Variants in WDR45B observed in about 807,000 individuals in gnomAD.
The protein encoded by WDR45B is WD repeat domain phosphoinositide-interacting protein 3.
In WDR45B, 20 loss-of-function variants were observed where a neutral mutation model predicts 44.6. The ratio of observed to expected loss-of-function variants is 0.45; its 90% CI spans 0.32 to 0.65. WDR45B has a LOEUF of 0.65. WDR45B is among the 30% of genes least tolerant of loss of function. WDR45B has a pLI of 0.05. For missense variants in WDR45B, 323 were observed against 430.2 expected, an observed-to-expected ratio of 0.75 and a Z score of 2.20; for synonymous variants, 169 against 164.9, an observed-to-expected ratio of 1.02 and a Z score of -0.19.
chr17:82,617,476 C>A, intron 7 of WDR45B, 79 bp from the exon 8 acceptor site: 1 of 1,347,960 alleles, frequency 7.4e-7, no homozygotes, highest in Non-Finnish European at 1.1e-6. Flanking sequence ...CACTTGTCGA[C>A]ACTGTGGAAC....
chr17:82,638,128 G>T (rs954950893), intron 2 of WDR45B, among the ~76,000 whole-genome samples: 3 of 145,526 alleles, frequency 2.1e-5, no homozygotes, highest in African/African-American at 7.9e-5. Context: ...GGAGGTTGCA[G>T]TGAGCCAAGA....
In WDR45B at chr17:82,615,102, T is replaced by G. The variant is rs1259102359; in HGVS notation, c.*817A>C. 1 of 152,112 alleles carries G rather than the reference T, an allele frequency of 6.6e-6. No individual in the cohort carries two copies. The highest frequency in any genetic ancestry group is 3.2e-3 in the Middle Eastern group (1 of 314). 9.4% of individuals were successfully genotyped at this position (152,112 alleles called of 1,614,324 possible). A position where few individuals can be genotyped will look rare whatever the true frequency, so the allele number is the denominator to read the frequency against. On this transcript the variant is annotated 3_prime_UTR_variant, in exon 10 of 10. Coordinates refer to ENST00000392325, the MANE Select transcript of WDR45B (RefSeq NM_019613.4). ...TTTTCCCCATAACGAATGTTCAAAG[T>G]TCGTGCATCACTCTGCTGTTCCCTA...
chr17:82,637,816 A>G (rs1184838074), intron 2 of WDR45B, among the ~76,000 whole-genome samples: 4 of 151,848 alleles, frequency 2.6e-5, no homozygotes, highest in Non-Finnish European at 5.9e-5. Context: ...AAGCTTCATG[A>G]TATCAGCATT....
At position 82,636,523 on chromosome 17, in the gene WDR45B, G is replaced by A. The variant is rs570266482; in HGVS notation, c.143-5501C>T. 1.2e-3 allele frequency: 180 copies of A among 152,048 alleles called. 1 individual carries two copies. Among genetic ancestry groups the A allele is most frequent in the African/African-American group, 3.8e-3 (159 of 41,366 alleles). 9.4% of individuals were successfully genotyped at this position (152,048 alleles called of 1,614,324 possible). ...TACCTGACCCCCACCTCCTGCAGCT[G>A]AAGAGGGGGAAAGGGTCTCCCCACA... On this transcript the variant is annotated intron_variant, in intron 2 of 9. Transcript: ENST00000392325.
intron 5 of WDR45B, among the ~76,000 whole-genome samples, chr17:82,622,134 T>C (rs1283384591): frequency 6.6e-6 from 1 of 151,356 alleles, no homozygotes; most frequent in Non-Finnish European, 1.5e-5. Flanking sequence ...GAAAATGCAA[T>C]GCAAAATTAT....
intron 6 of WDR45B, among the ~76,000 whole-genome samples, chr17:82,621,066 T>C (rs571814327): frequency 0.034 from 5,158 of 151,230 alleles, 294 homozygotes; most frequent in African/African-American, 0.12. Flanking sequence ...TTTTTTTTTT[T>C]TTTTTGAGAC....
intron 5 of WDR45B, among the ~76,000 whole-genome samples, chr17:82,622,863 G>GA (rs985602255): frequency 6.6e-6 from 1 of 151,278 alleles, no homozygotes; most frequent in Non-Finnish European, 1.5e-5. Flanking sequence ...AAAAAGTCCA[G>GA]AAAAAAAACC....
rs1412398104 is a variant in WDR45B, at chr17:82,648,331, G to A, written c.10C>T (p.Leu4=). 6.2e-7 allele frequency: 1 copy of A among 1,606,564 alleles called. No individual in the cohort carries two copies. The highest frequency in any genetic ancestry group is 1.7e-5 in the Admixed American group (1 of 59,742). ...CCGTTGCCGTGAGGGTTACACGGCA[G>A]GAGGTTCATGGCGCCGCCGTGCTGG... is the stretch of plus-strand genomic sequence containing the variant. MNL[L]PCNPHGNGLL... Residue 4 remains leucine, a synonymous_variant, in exon 1 of 10, where the codon CTG becomes TTG. Transcript: ENST00000392325.
chr17:82,624,906 C>T (rs1301244188), intron 5 of WDR45B, among the ~76,000 whole-genome samples: 6 of 152,190 alleles, frequency 3.9e-5, no homozygotes, highest in Non-Finnish European at 8.8e-5. Flanking sequence ...GAGTGAGCCA[C>T]CGCGCCCGGC....
At position 82,627,031 on chromosome 17, in the gene WDR45B, G is replaced by T; in HGVS notation, c.332+173C>A. On this transcript the variant is annotated intron_variant, in intron 4 of 9. Coordinates refer to ENST00000392325, the MANE Select transcript of WDR45B (RefSeq NM_019613.4). The stretch of plus-strand genomic sequence containing the variant: ...GCCCTGGAAACAAACACAATTCGCT[G>T]CCTTTCTTGCAGCAATATAAATAAT... 3 of 689,680 alleles carry T rather than the reference G, an allele frequency of 4.3e-6. No homozygotes were observed. The East Asian group carries it at 7.9e-5, about 18-fold the overall frequency. 42.7% of individuals were successfully genotyped at this position (689,680 alleles called of 1,614,324 possible).
intron 2 of WDR45B, among the ~76,000 whole-genome samples, chr17:82,641,925 G>A (rs1194057134): frequency 2.0e-5 from 3 of 151,354 alleles, no homozygotes; most frequent in Admixed American, 1.3e-4. Flanking sequence ...TCTCCAAGAG[G>A]TATTTTCTGT....
At chr17:82,636,339 T>A (rs1354240820) in intron 2 of WDR45B, among the ~76,000 whole-genome samples, 1 of 145,576 alleles carries the variant, frequency 6.9e-6, no homozygotes, top group African/African-American at 2.6e-5. Context: ...GTTTTAAAAA[T>A]GGAAAGAAAA....
Position 82,636,938 on chromosome 17 carries a change from G to A in WDR45B, c.143-5916C>T, listed in dbSNP as rs184938487. Among the ~76,000 whole-genome samples the A allele has an allele frequency of 2.0e-5, 3 of 152,056 alleles. No individual in the cohort carries two copies. In the East Asian group the frequency reaches 5.8e-4, roughly 29 times the overall value. On this transcript the variant is annotated intron_variant, in intron 2 of 9. Transcript: ENST00000392325. Reference sequence around the variant, plus strand: ...ACAAGTAGCCTATTGGGTCAGCTCAGATTGTGCAGTCCGACCCCAGCCCAT... The same window carrying A: ...ACAAGTAGCCTATTGGGTCAGCTCAAATTGTGCAGTCCGACCCCAGCCCAT...
At position 82,648,284 on chromosome 17, in the gene WDR45B, G is replaced by A; in HGVS notation, c.57C>T (p.Asn19=). ...HGNGLLYAGF[N]QDHGCFACGM... is the part of the protein sequence containing the mutation. ...GCCGCGCCTCCTCACCGTGGTCCTG[G>A]TTGAAGCCGGCGTAGAGCAGCCCGT... Residue 19 remains asparagine, a synonymous_variant, in exon 1 of 10, where the codon AAC becomes AAT. Coordinates refer to ENST00000392325, the MANE Select transcript of WDR45B (RefSeq NM_019613.4). 6.2e-7 allele frequency: 1 copy of A among 1,606,698 alleles called. No homozygotes were observed. Among genetic ancestry groups the A allele is most frequent in the Non-Finnish European group, 8.5e-7 (1 of 1,177,990 alleles).
At chr17:82,631,818 C>G (rs1279680874) in intron 2 of WDR45B, among the ~76,000 whole-genome samples, 1 of 152,000 alleles carries the variant, frequency 6.6e-6, no homozygotes, top group Non-Finnish European at 1.5e-5. Context: ...AACTCCAAGA[C>G]AGCATACTAA....
At chr17:82,642,812 G>T (rs1004717824) in intron 2 of WDR45B, among the ~76,000 whole-genome samples, 4 of 152,152 alleles carry the variant, frequency 2.6e-5, no homozygotes, top group African/African-American at 7.2e-5. Context: ...TGGCTGGGGG[G>T]TTTTTCCCAC....
At chr17:82,624,653 C>G (rs1419707389) in intron 5 of WDR45B, among the ~76,000 whole-genome samples, 1 of 149,724 alleles carries the variant, frequency 6.7e-6, no homozygotes, top group Non-Finnish European at 1.5e-5. Flanking sequence ...GAGTCTTGCT[C>G]TATCGCCCAG....
rs147454790 is a variant in WDR45B at position 82,646,816 on chromosome 17, C to T, written c.67+1458G>A. ...AGGCTAGGCATCTCCCTTACCATCT[C>T]AGCAAAACTTTCTTCCGGAGAAACC... On this transcript the variant is annotated intron_variant, in intron 1 of 9. Transcript: ENST00000392325. Among the ~76,000 whole-genome samples, 43 of 152,330 alleles carry T rather than the reference C, an allele frequency of 2.8e-4. No individual in the cohort carries two copies. In the East Asian group the frequency reaches 5.6e-3, roughly 20 times the overall value.
intron 1 of WDR45B, chr17:82,644,251 A>G (rs2045951060): frequency 1.7e-6 from 1 of 577,558 alleles, no homozygotes; most frequent in African/African-American, 1.9e-5. Context: ...GGAGTTGTTC[A>G]CACAACTTCC....
Sources: gnomAD v4.1 joint callset for allele counts (sites outside exome capture counted in the v4.1 genomes callset) on GRCh38, gnomAD v4.1.1 for gene constraint, MANE v1.5 for transcripts, NCBI Gene and HGNC (gene_info 2026-07-23, HGNC 2026-07-21) for gene names.